Variants in NRG1 observed in about 807,000 individuals in gnomAD.
NRG1 encodes pro-neuregulin-1, membrane-bound isoform.
A neutral mutation model predicts 63.8 loss-of-function variants in NRG1; 18 were observed. The ratio of observed to expected loss-of-function variants is 0.28; its 90% CI spans 0.19 to 0.42. The LOEUF (loss-of-function observed/expected upper bound fraction) is 0.42, where lower values mean the gene tolerates loss of function less well. Ranked by LOEUF, NRG1 falls within the 10% of genes least tolerant of loss-of-function variation. NRG1 has a pLI of 1.00. For synonymous variants in NRG1, 302 were observed against 301.3 expected (o/e 1.00, Z -0.02); for missense variants, 762 against 814.7 (o/e 0.94, Z 0.79).
At chr8:31,895,508 T>C (rs1301249561) in intron 1 of NRG1, among the ~76,000 whole-genome samples, 4 of 152,260 alleles carry the variant, frequency 2.6e-5, no homozygotes, top group Non-Finnish European at 5.9e-5. Flanking sequence ...AGTCTGAGTG[T>C]AATTAATCGG....
At chr8:32,756,374 A>T (rs775749876) in intron 8 of NRG1, 29 bp from the exon 9 acceptor site, 22 of 1,600,172 alleles carry the variant, frequency 1.4e-5, no homozygotes, top group South Asian at 1.1e-4. Flanking sequence ...TAATCAAAAA[A>T]AAATAAATGC....
At chr8:32,085,449 A>G (rs577728285) in intron 1 of NRG1, among the ~76,000 whole-genome samples, 13 of 152,342 alleles carry the variant, frequency 8.5e-5, no homozygotes, top group African/African-American at 3.1e-4. Flanking sequence ...TTTGATGGCA[A>G]TGCTAGAAAT....
In NRG1 at chr8:32,606,927, A is replaced by T. The variant is rs374456174; in HGVS notation, c.400+1244A>T. ...ACATACTAAGAAAGTGAGAAGGGAG[A>T]TAAAAATCAGAAACAGGGCTGGGAA... is the stretch of plus-strand genomic sequence containing the variant. On this transcript the variant is annotated intron_variant, in intron 3 of 11. Transcript: ENST00000356819. 3.3e-5 allele frequency among the ~76,000 whole-genome samples: 5 copies of T among 152,216 alleles called. No homozygotes were observed. The South Asian group carries it at 6.2e-4, about 19-fold the overall frequency.
intron 1 of NRG1, among the ~76,000 whole-genome samples, chr8:32,179,287 C>T (rs144984644): frequency 4.3e-4 from 64 of 150,468 alleles, no homozygotes; most frequent in African/African-American, 1.4e-3. Flanking sequence ...GCTCCTGATG[C>T]GGAAGTGGCA....
chr8:32,627,477 A>G (rs1232854843), intron 5 of NRG1, among the ~76,000 whole-genome samples: 2 of 152,048 alleles, frequency 1.3e-5, no homozygotes, highest in Non-Finnish European at 1.5e-5. Flanking sequence ...AAAGGTTGCA[A>G]TTTTATTTTT....
intron 1 of NRG1, among the ~76,000 whole-genome samples, chr8:32,573,541 C>T (rs1486905304): frequency 6.6e-6 from 1 of 152,096 alleles, no homozygotes; most frequent in Non-Finnish European, 1.5e-5. Context: ...CTTTACCTGG[C>T]GTTGCTTATG....
intron 1 of NRG1, among the ~76,000 whole-genome samples, chr8:32,524,210 C>A (rs1411509937): frequency 6.6e-6 from 1 of 152,108 alleles, no homozygotes; most frequent in Non-Finnish European, 1.5e-5. Context: ...TTGCTTGAGC[C>A]TAGAGGGTGG....
At chr8:32,598,143 C>T (rs1430204545) in intron 2 of NRG1, among the ~76,000 whole-genome samples, 2 of 151,994 alleles carry the variant, frequency 1.3e-5, no homozygotes, top group Non-Finnish European at 2.9e-5. Context: ...TCTCTGTGCC[C>T]AGGGGCGGGG....
chr8:31,858,317 G>A (rs1160411859), intron 1 of NRG1, among the ~76,000 whole-genome samples: 2 of 151,758 alleles, frequency 1.3e-5, no homozygotes, highest in African/African-American at 4.8e-5. Context: ...AAAAACAAGT[G>A]AAGTTGCCGA....
chr8:32,567,654 A>G (rs1837715283), intron 1 of NRG1, among the ~76,000 whole-genome samples: 1 of 152,160 alleles, frequency 6.6e-6, no homozygotes, highest in South Asian at 2.1e-4. Context: ...CTTCTTTTTT[A>G]TATAAACTGT....
At chr8:32,453,011 A>ACT (rs1460376278) in intron 1 of NRG1, among the ~76,000 whole-genome samples, 1 of 152,114 alleles carries the variant, frequency 6.6e-6, no homozygotes, top group Non-Finnish European at 1.5e-5. Flanking sequence ...ATTGATGTCT[A>ACT]CTCTCGTTAA....
At chr8:32,314,190 G>GAA (rs3055549) in intron 1 of NRG1, among the ~76,000 whole-genome samples, 112,270 of 150,064 alleles carry the variant, frequency 0.75, 42,215 homozygotes, top group East Asian at 0.8. Context: ...CTGTTAAGTG[G>GAA]AAAAAAAAAA....
chr8:32,643,204 A>G (rs773061496), intron 5 of NRG1, among the ~76,000 whole-genome samples: 3 of 152,162 alleles, frequency 2.0e-5, no homozygotes, highest in Non-Finnish European at 4.4e-5. Flanking sequence ...CCTCTGTGGC[A>G]GATTAATTGT....
rs780604393 is a variant in NRG1 at position 31,640,491 on chromosome 8, G to A, written c.37+1060G>A. The A allele has an allele frequency of 2.5e-6, 4 of 1,608,900 alleles. No homozygotes were observed. Among genetic ancestry groups the A allele is most frequent in the Non-Finnish European group, 3.4e-6 (4 of 1,178,470 alleles). On this transcript the variant is annotated intron_variant, in intron 1 of 10. Coordinates refer to the NRG1 transcript ENST00000519301. The surrounding 1 kb of genome is among the most constrained non-coding windows in gnomAD (Gnocchi z 6.3). ...TGGTGAAGGTGCACCAGGTGTGGGCGGTGAAAGCCGGGGGCTTGAAGAAGG... is the reference window on the plus strand; with the variant it reads ...TGGTGAAGGTGCACCAGGTGTGGGCAGTGAAAGCCGGGGGCTTGAAGAAGG...
intron 1 of NRG1, among the ~76,000 whole-genome samples, chr8:32,284,462 G>C (rs1853250862): frequency 7.7e-6 from 1 of 130,012 alleles, no homozygotes; most frequent in Admixed American, 7.4e-5. Flanking sequence ...ACACGTGCCA[G>C]AATAATGCTT....
chr8:31,938,162 C>A (rs957544885), intron 1 of NRG1, among the ~76,000 whole-genome samples: 3 of 152,156 alleles, frequency 2.0e-5, no homozygotes, highest in Non-Finnish European at 4.4e-5. Flanking sequence ...CCACTTCACT[C>A]CCCTGCTACC....
intron 1 of NRG1, among the ~76,000 whole-genome samples, chr8:31,899,093 A>G (rs1056506321): frequency 7.1e-6 from 1 of 141,774 alleles, no homozygotes; most frequent in Non-Finnish European, 1.5e-5. Flanking sequence ...AATATATTAA[A>G]AAATTTTTAA....
At chr8:32,123,616 A>G (rs1347765483) in intron 1 of NRG1, among the ~76,000 whole-genome samples, 1 of 148,598 alleles carries the variant, frequency 6.7e-6, no homozygotes, top group East Asian at 2.0e-4. Context: ...TAATATAAAA[A>G]TATTCATTGT....
chr8:32,111,665 A>T (rs984099898), intron 1 of NRG1, among the ~76,000 whole-genome samples: 2 of 152,222 alleles, frequency 1.3e-5, no homozygotes, highest in African/African-American at 4.8e-5. Flanking sequence ...TTTTGCATTC[A>T]TCTTTGAGTC....
Sources: allele counts gnomAD v4.1 joint callset (sites outside exome capture counted in the v4.1 genomes callset), GRCh38; gene constraint gnomAD v4.1.1; non-coding constraint Gnocchi (gnomAD v3.1); transcripts MANE v1.5; gene names NCBI Gene and HGNC (gene_info 2026-07-23, HGNC 2026-07-21).